Variants in EPHA3 observed in about 807,000 individuals in gnomAD.
EPHA3 encodes EPH receptor A3.
Under a neutral mutation model 107.1 loss-of-function variants are expected in EPHA3, and 42 were observed. That is an observed-to-expected ratio of 0.39 (90% CI 0.31 to 0.51). The LOEUF (loss-of-function observed/expected upper bound fraction) is 0.51. Ranked by LOEUF, EPHA3 falls within the 20% of genes least tolerant of loss-of-function variation. EPHA3 has a pLI of 0.78. For synonymous variants in EPHA3, 461 were observed against 424.8 expected, an observed-to-expected ratio of 1.09 and a Z score of -1.05; for missense variants, 1,183 against 1,211.2, an observed-to-expected ratio of 0.98 and a Z score of 0.35.
At chr3:89,301,150 G>A (rs1170410724) in intron 3 of EPHA3, among the ~76,000 whole-genome samples, 1 of 152,048 alleles carries the variant, frequency 6.6e-6, no homozygotes, top group Non-Finnish European at 1.5e-5. Flanking sequence ...AAATACATGA[G>A]TCATGGATTT....
At chr3:89,285,645 C>G (rs942291844) in intron 3 of EPHA3, among the ~76,000 whole-genome samples, 1 of 152,114 alleles carries the variant, frequency 6.6e-6, no homozygotes, top group African/African-American at 2.4e-5. Context: ...AAGGCCCTGG[C>G]CGGAAGAGTT....
At chr3:89,125,006 G>T (rs71322856) in intron 1 of EPHA3, among the ~76,000 whole-genome samples, 16,634 of 151,828 alleles carry the variant, frequency 0.11, 948 homozygotes, top group Middle Eastern at 0.18. Flanking sequence ...AGAAACGTAA[G>T]GATATGGTAG....
chr3:89,359,205 C>A (rs775130585), intron 5 of EPHA3, among the ~76,000 whole-genome samples: 1 of 150,904 alleles, frequency 6.6e-6, no homozygotes, highest in Non-Finnish European at 1.5e-5. Context: ...TTAGAATAAT[C>A]ATTTTAATTA....
At chr3:89,130,612 T>G (rs1393186461) in intron 2 of EPHA3, among the ~76,000 whole-genome samples, 1 of 151,368 alleles carries the variant, frequency 6.6e-6, no homozygotes, top group Admixed American at 6.6e-5. Flanking sequence ...TTCTTGGGAG[T>G]AGTATTTCTA....
intron 3 of EPHA3, among the ~76,000 whole-genome samples, chr3:89,229,364 T>C (rs985994385): frequency 4.6e-5 from 7 of 151,902 alleles, no homozygotes; most frequent in African/African-American, 1.4e-4. Flanking sequence ...TGCCTAATTA[T>C]TTATGTAAAT....
At chr3:89,230,403 G>C (rs987962318) in intron 3 of EPHA3, among the ~76,000 whole-genome samples, 5 of 152,066 alleles carry the variant, frequency 3.3e-5, no homozygotes, top group African/African-American at 1.2e-4. Flanking sequence ...AGTTATGTTG[G>C]AAGTACATGG....
chr3:89,385,423 G>A (rs754033615), intron 5 of EPHA3, among the ~76,000 whole-genome samples: 6 of 152,118 alleles, frequency 3.9e-5, no homozygotes, highest in South Asian at 4.1e-4. Flanking sequence ...GTGAGTTCTC[G>A]CAAGATCTGA....
At chr3:89,348,098 C>T (rs1414028337) in intron 5 of EPHA3, among the ~76,000 whole-genome samples, 12 of 147,972 alleles carry the variant, frequency 8.1e-5, no homozygotes, top group Admixed American at 1.4e-4. Context: ...TATCTCTGCC[C>T]GGCTTTGGTA....
intron 3 of EPHA3, among the ~76,000 whole-genome samples, chr3:89,322,166 T>G (rs916087871): frequency 2.0e-5 from 3 of 151,850 alleles, no homozygotes; most frequent in African/African-American, 7.2e-5. Context: ...AGTATATACT[T>G]ATCGCATTCA....
At chr3:89,427,542 G>A (rs981355953) in intron 11 of EPHA3, among the ~76,000 whole-genome samples, 1 of 151,842 alleles carries the variant, frequency 6.6e-6, no homozygotes, top group Admixed American at 6.6e-5. Context: ...ACGTCTTCTG[G>A]ACTTGGAAAA....
intron 2 of EPHA3, among the ~76,000 whole-genome samples, chr3:89,173,299 A>G (rs970569863): frequency 2.0e-5 from 3 of 152,024 alleles, no homozygotes; most frequent in African/African-American, 7.2e-5. Flanking sequence ...TAAATGTCCA[A>G]ATTTAATTTG....
At chr3:89,449,065 T>A (rs906561177) in intron 13 of EPHA3, among the ~76,000 whole-genome samples, 160 bp from the exon 14 acceptor site, 2 of 151,568 alleles carry the variant, frequency 1.3e-5, no homozygotes, top group African/African-American at 4.8e-5. Context: ...TACTTCTGCT[T>A]GGTATTGAAA....
At chr3:89,203,762 G>A (rs1428588926) in intron 2 of EPHA3, among the ~76,000 whole-genome samples, 1 of 152,008 alleles carries the variant, frequency 6.6e-6, no homozygotes, top group Non-Finnish European at 1.5e-5. Flanking sequence ...GGGCAACAGA[G>A]CGAGACTCTG....
Position 89,166,831 on chromosome 3 carries a change from A to G in EPHA3, c.153+39558A>G, listed in dbSNP as rs575137551. Reference sequence around the variant, plus strand: ...ATATTAAGGGGGTGCTTTTGAATGGATAATTCTTTGAAAGCATCAGTTAAC... The same window carrying G: ...ATATTAAGGGGGTGCTTTTGAATGGGTAATTCTTTGAAAGCATCAGTTAAC... On this transcript the variant is annotated intron_variant, in intron 2 of 16. Coordinates refer to ENST00000336596, the MANE Select transcript of EPHA3 (RefSeq NM_005233.6). Among the ~76,000 whole-genome samples, 208 of 152,318 alleles carry G rather than the reference A, an allele frequency of 1.4e-3. 2 individuals are homozygous for G. Among genetic ancestry groups the G allele is most frequent in the African/African-American group, 4.7e-3 (195 of 41,572 alleles).
intron 15 of EPHA3, among the ~76,000 whole-genome samples, chr3:89,466,411 C>T (rs1166318791): frequency 7.1e-5 from 8 of 112,842 alleles, no homozygotes; most frequent in African/African-American, 7.4e-5. Context: ...TGGGCAATGG[C>T]GGGCGCCCCT....
chr3:89,197,616 G>A (rs1482940678), intron 2 of EPHA3, among the ~76,000 whole-genome samples: 3 of 152,082 alleles, frequency 2.0e-5, no homozygotes, highest in South Asian at 2.1e-4. Flanking sequence ...GAATACTATT[G>A]GCAAAGATTT....
chr3:89,174,803 A>T (rs975541972), intron 2 of EPHA3, among the ~76,000 whole-genome samples: 1 of 152,012 alleles, frequency 6.6e-6, no homozygotes, highest in African/African-American at 2.4e-5. Flanking sequence ...GAAAGAATTT[A>T]TACTAATCAA....
chr3:89,135,838 C>G (rs1197094224), intron 2 of EPHA3, among the ~76,000 whole-genome samples: 1 of 150,442 alleles, frequency 6.6e-6, no homozygotes, highest in Non-Finnish European at 1.5e-5. Context: ...AAGTGAGAAT[C>G]CTGTAAATAA....
At chr3:89,197,263 T>G (rs779722472) in intron 2 of EPHA3, among the ~76,000 whole-genome samples, 2 of 152,198 alleles carry the variant, frequency 1.3e-5, no homozygotes, top group Non-Finnish European at 2.9e-5. Flanking sequence ...TTTGTTTTAT[T>G]TAGCAGGTAA....
Sources: allele counts gnomAD v4.1 joint callset (sites outside exome capture counted in the v4.1 genomes callset), GRCh38; gene constraint gnomAD v4.1.1; transcripts MANE v1.5; gene names NCBI Gene and HGNC (gene_info 2026-07-23, HGNC 2026-07-21).